Variants in CACNA1C observed in about 807,000 individuals in gnomAD.
CACNA1C encodes the protein voltage-dependent L-type calcium channel subunit alpha-1C.
In CACNA1C, 30 loss-of-function variants were observed where a neutral mutation model predicts 229.0. The ratio of observed to expected loss-of-function variants is 0.13; its 90% CI spans 0.10 to 0.18. The LOEUF (loss-of-function observed/expected upper bound fraction) is 0.18, where lower values mean the gene tolerates loss of function less well. Among genes scored for constraint, CACNA1C ranks in the 10% least tolerant of loss-of-function variants. The probability of loss-of-function intolerance (pLI) is 1.00; values close to 1 mark genes in which losing one functional copy is unlikely to be tolerated. For missense variants in CACNA1C, 1,658 were observed against 2,845.0 expected (o/e 0.58, Z 9.49); for synonymous variants, 1,114 against 1,132.5 (o/e 0.98, Z 0.33).
intron 11 of CACNA1C, among the ~76,000 whole-genome samples, chr12:2,560,348 C>A (rs2154592817): frequency 6.6e-6 from 1 of 152,276 alleles, no homozygotes; most frequent in Admixed American, 6.5e-5. Flanking sequence ...TTTTCCTTTG[C>A]AAAACAGAAT....
At chr12:2,102,360 A>G (rs71454857) in intron 1 of CACNA1C, among the ~76,000 whole-genome samples, 2 of 152,086 alleles carry the variant, frequency 1.3e-5, no homozygotes, top group Non-Finnish European at 2.9e-5. Flanking sequence ...AGTTGCTGGG[A>G]AAATAAGAGA....
At chr12:2,387,536 C>CGAAAGAAAGAAA (rs145897152) in intron 3 of CACNA1C, among the ~76,000 whole-genome samples, 29 of 150,328 alleles carry the variant, frequency 1.9e-4, no homozygotes, top group African/African-American at 6.8e-4. Context: ...GAACTAAGAG[C>CGAAAGAAAGAAA]GAAAGAAAGA....
At chr12:2,684,101 T>C (rs971906400) in intron 43 of CACNA1C, among the ~76,000 whole-genome samples, 48 of 152,138 alleles carry the variant, frequency 3.2e-4, no homozygotes, top group African/African-American at 1.1e-3. Context: ...GTGGGGAGAA[T>C]GGCAGCCAGG....
At position 2,647,047 on chromosome 12, in the gene CACNA1C, A is replaced by C. The variant is rs1202297178; in HGVS notation, c.3913-1428A>C. On this transcript the variant is annotated intron_variant, in intron 30 of 46. Transcript: ENST00000399655. The surrounding 1 kb of genome is among the most constrained non-coding windows in gnomAD (Gnocchi z 4.2). The stretch of plus-strand genomic sequence containing the variant: ...CCCCTAAAAGGGCATCCTACCAACT[A>C]GCTATGAAAAAAAAAAGAATTTGCT... Among the ~76,000 whole-genome samples the C allele has an allele frequency of 6.6e-6, 1 of 151,924 alleles. No individual in the cohort carries two copies. The highest frequency in any genetic ancestry group is 2.4e-5 in the African/African-American group (1 of 41,340).
In CACNA1C at chr12:2,696,497, G is replaced by A. The variant is rs1013658964; in HGVS notation, c.*5298G>A. 4 of 151,932 alleles carry A rather than the reference G, an allele frequency of 2.6e-5. No individual in the cohort carries two copies. Among genetic ancestry groups the A allele is most frequent in the Non-Finnish European group, 5.9e-5 (4 of 68,000 alleles). The allele number at this position is 151,932 out of a possible 1,614,324, so 9.4% of individuals were successfully genotyped here. ...AGGATCTAAGGAATTTGACTTTGTA[G>A]GGATCCCAGAAAGGGCACTGTGCCA... is the stretch of plus-strand genomic sequence containing the variant. On this transcript the variant is annotated 3_prime_UTR_variant, in exon 47 of 47. Transcript: ENST00000399655.
At chr12:2,414,289 T>G (rs1012499139) in intron 3 of CACNA1C, among the ~76,000 whole-genome samples, 1 of 152,224 alleles carries the variant, frequency 6.6e-6, no homozygotes, top group Non-Finnish European at 1.5e-5. Context: ...TTTTCAATAT[T>G]TCTTTTAAAA....
intron 3 of CACNA1C, among the ~76,000 whole-genome samples, chr12:2,402,040 A>G (rs1180967167): frequency 1.3e-5 from 2 of 152,394 alleles, no homozygotes; most frequent in Non-Finnish European, 2.9e-5. Context: ...TTGTAGGTTC[A>G]TGCCTCTTGG....
intron 3 of CACNA1C, among the ~76,000 whole-genome samples, chr12:2,120,656 CTGTGTGTGTGTGTGTGTGTGTGTGTG>C (rs112680750): frequency 2.1e-5 from 3 of 139,778 alleles, no homozygotes; most frequent in African/African-American, 5.4e-5. Flanking sequence ...GTGGTGAGCT[CTGTGTGTGTGTGTGTGTGTGTGTGTG>C]TGTGTGTGTG....
intron 19 of CACNA1C, among the ~76,000 whole-genome samples, chr12:2,594,876 C>T (rs541740263): frequency 3.5e-4 from 54 of 152,322 alleles, no homozygotes; most frequent in African/African-American, 1.3e-3. Context: ...CCCAGGCTTT[C>T]CTGCCCCACC....
At chr12:2,195,565 G>A (rs991121583) in intron 3 of CACNA1C, among the ~76,000 whole-genome samples, 2 of 152,186 alleles carry the variant, frequency 1.3e-5, no homozygotes, top group Non-Finnish European at 2.9e-5. Context: ...TCATCAAAAT[G>A]TCTTCTGATG....
At chr12:2,519,127 G>T (rs1387668222) in intron 9 of CACNA1C, among the ~76,000 whole-genome samples, 3 of 152,190 alleles carry the variant, frequency 2.0e-5, no homozygotes, top group Non-Finnish European at 4.4e-5. Flanking sequence ...CCTAGCTCTT[G>T]GGGCACATCC....
At chr12:2,096,805 C>T (rs1171234971) in intron 1 of CACNA1C, among the ~76,000 whole-genome samples, 1 of 152,176 alleles carries the variant, frequency 6.6e-6, no homozygotes, top group Non-Finnish European at 1.5e-5. Context: ...ATTCTAGGTA[C>T]CTCATATAAG....
intron 9 of CACNA1C, among the ~76,000 whole-genome samples, chr12:2,545,928 C>CCCATGCAATGATTAGTGTCTTT (rs1282893366): frequency 6.6e-6 from 1 of 152,260 alleles, no homozygotes; most frequent in Non-Finnish European, 1.5e-5. Flanking sequence ...CTTCCCGTTC[C>CCCATGCAATGATTAGTGTCTTT]CCATGCAATG....
At position 2,605,291 on chromosome 12, in the gene CACNA1C, C is replaced by T. The variant is rs1020117810; in HGVS notation, c.3048+123C>T. The T allele has an allele frequency of 1.8e-5, 12 of 673,964 alleles. No individual in the cohort carries two copies. The highest frequency in any genetic ancestry group is 5.3e-5 in the South Asian group (3 of 56,872). The allele number at this position is 673,964 out of a possible 1,614,324, so 41.7% of individuals were successfully genotyped here. ...ACCAAGTGGCTGCCATGTGGGGTCC[C>T]GGACACTGGTCCCACTGCATGTCCC... is the stretch of plus-strand genomic sequence containing the variant. On this transcript the variant is annotated intron_variant, in intron 23 of 46. Transcript: ENST00000399655. The surrounding 1 kb of genome is among the most constrained non-coding windows in gnomAD (Gnocchi z 6.2).
Position 2,566,935 on chromosome 12 carries a change from T to C in CACNA1C, c.1669+353T>C, listed in dbSNP as rs567117783. Among the ~76,000 whole-genome samples, 1 of 152,288 alleles carries C rather than the reference T, an allele frequency of 6.6e-6. No homozygotes were observed. Among genetic ancestry groups the C allele is most frequent in the Admixed American group, 6.5e-5 (1 of 15,294 alleles). On this transcript the variant is annotated intron_variant, in intron 12 of 46. Coordinates refer to ENST00000399655, the MANE Select transcript of CACNA1C (RefSeq NM_000719.7). This position sits in a 1 kb window ranked among gnomAD's most constrained non-coding sequence, Gnocchi z 4.0. ...GATTTTAAATACCTGGGGGCCTTCC[T>C]ACAGCCCTGAGGTGGCCTTAACCAG...
In CACNA1C at chr12:2,566,518, C is replaced by A; in HGVS notation, c.1605C>A (p.Phe535Leu). The change falls in exon 12 of 47, where the codon TTC (phenylalanine) becomes TTA (leucine). Residue 535 changes from phenylalanine to leucine, a missense_variant. Around this residue, in one of 20 missense-constraint regions of CACNA1C, gnomAD observed 149 missense variants for 194.2 expected, o/e 0.77. Transcript: ENST00000399655. This position sits in a 1 kb window ranked among gnomAD's most constrained non-coding sequence, Gnocchi z 4.0. Reference sequence around the variant, plus strand: ...ACTGGCTGGTGATTTTCCTGGTGTTCCTCAACACGCTCACCATTGCCTCTG... The same window carrying A: ...ACTGGCTGGTGATTTTCCTGGTGTTACTCAACACGCTCACCATTGCCTCTG... ...VFYWLVIFLV[F>L]LNTLTIASEH... is the part of the protein sequence containing the mutation. The A allele has an allele frequency of 6.3e-7, 1 of 1,593,836 alleles. No individual in the cohort carries two copies. The highest frequency in any genetic ancestry group is 8.5e-7 in the Non-Finnish European group (1 of 1,170,444).
At chr12:2,516,115 G>A (rs150310161) in intron 9 of CACNA1C, among the ~76,000 whole-genome samples, 15 of 152,124 alleles carry the variant, frequency 9.9e-5, no homozygotes, top group African/African-American at 3.6e-4. Flanking sequence ...GCCAAGGAAT[G>A]TCTCACGATC....
intron 1 of CACNA1C, among the ~76,000 whole-genome samples, chr12:2,072,683 A>G (rs751352180): frequency 2.8e-4 from 42 of 152,210 alleles, no homozygotes; most frequent in Non-Finnish European, 5.0e-4. Context: ...TATATATCAG[A>G]TCTACATTAA....
chr12:2,420,102 G>GGTGTGTGCGTGTGTGTGT (rs1555546910), intron 3 of CACNA1C, among the ~76,000 whole-genome samples: 2 of 125,430 alleles, frequency 1.6e-5, no homozygotes, highest in African/African-American at 7.0e-5. Context: ...TAGGCAAAAT[G>GGTGTGTGCGTGTGTGTGT]GTGTGTGTGT....
Sources: allele counts gnomAD v4.1 joint callset (sites outside exome capture counted in the v4.1 genomes callset), GRCh38; gene constraint gnomAD v4.1.1; regional missense constraint gnomAD v4.1.1; non-coding constraint Gnocchi (gnomAD v3.1); transcripts MANE v1.5; gene names NCBI Gene and HGNC (gene_info 2026-07-23, HGNC 2026-07-21).